The following BAZ2B variants were observed in gnomAD, a reference collection of about 807,000 sequenced individuals.
The protein encoded by BAZ2B is bromodomain adjacent to zinc finger domain protein 2B.
A neutral mutation model predicts 246.0 loss-of-function variants in BAZ2B; 91 were observed. That is an observed-to-expected ratio of 0.37 (90% CI 0.31 to 0.44). BAZ2B has a LOEUF of 0.44. BAZ2B is among the 20% of genes least tolerant of loss of function. The pLI is 1.00. For missense variants in BAZ2B, 2,332 were observed against 2,533.7 expected (o/e 0.92, Z 1.71); for synonymous variants, 855 against 860.0 (o/e 0.99, Z 0.10).
chr2:159,349,878 G>A lies in BAZ2B; in HGVS notation c.4693C>T (p.Arg1565Ter). 1.9e-6 allele frequency: 3 copies of A among 1,614,166 alleles called. No individual in the cohort carries two copies. The highest frequency in any genetic ancestry group is 2.5e-6 in the Non-Finnish European group (3 of 1,180,016). The change falls in exon 28 of 37, where the codon CGA becomes TGA. Residue 1565 changes from arginine (R) to a stop codon, truncating the protein, a stop_gained. Transcript: ENST00000392783. LOFTEE classifies it high-confidence loss of function. ...AGTGAAGTGTCATCACAGGGTGTTC[G>A]TGGCAAAAGACTAAACCATTGTCTA... The part of the protein sequence containing the change: ...KNRQWFSLLP[R>*]TPCDDTSLTH...
At chr2:159,636,804 G>C in the BAZ2B span, among the ~76,000 whole-genome samples, 8 of 152,216 alleles carry the variant, frequency 5.3e-5, no homozygotes, top group Middle Eastern at 3.4e-3. Flanking sequence ...TGCTTAAGGA[G>C]AGCTAAGAGT....
At chr2:159,596,408 A>G (rs1396001348) in intron 1 of BAZ2B, among the ~76,000 whole-genome samples, 1 of 152,254 alleles carries the variant, frequency 6.6e-6, no homozygotes, top group African/African-American at 2.4e-5. Context: ...AGTTTGTTCA[A>G]GAATATAAAA....
rs548904660 is a variant in BAZ2B, at chr2:159,525,510, T to C, written c.-3+30313A>G. 4.1e-4 allele frequency among the ~76,000 whole-genome samples: 62 copies of C among 152,278 alleles called. 1 individual carries two copies. Among genetic ancestry groups the C allele is most frequent in the Admixed American group, 7.2e-4 (11 of 15,288 alleles). On this transcript the variant is annotated intron_variant, in intron 2 of 36. Transcript: ENST00000392783. ...ACATTATTTAAAATATCATATATAA[T>C]TGCCTTCAGTTTATGTGTATAAGGT...
chr2:159,709,259 G>A, the BAZ2B span, among the ~76,000 whole-genome samples: 14 of 151,814 alleles, frequency 9.2e-5, no homozygotes, highest in African/African-American at 3.1e-4. Context: ...TCTCAATCAG[G>A]TAGACAGTAG....
At chr2:159,631,726 C>A in the BAZ2B span, among the ~76,000 whole-genome samples, 1 of 152,100 alleles carries the variant, frequency 6.6e-6, no homozygotes, top group Non-Finnish European at 1.5e-5. Flanking sequence ...CTAAAAAAAC[C>A]TTTTTGTTCA....
intron 25 of BAZ2B, among the ~76,000 whole-genome samples, chr2:159,378,550 A>T (rs535367911): frequency 6.6e-6 from 1 of 152,342 alleles, no homozygotes; most frequent in African/African-American, 2.4e-5. Context: ...TGCAAATCAT[A>T]TATTTGATAA....
intron 2 of BAZ2B, among the ~76,000 whole-genome samples, chr2:159,481,902 T>A (rs547800143): frequency 1.3e-5 from 2 of 152,098 alleles, no homozygotes; most frequent in East Asian, 3.9e-4. Flanking sequence ...CTAAGTTGGA[T>A]TTTAGAACAA....
At position 159,433,378 on chromosome 2, in the gene BAZ2B, G is replaced by A. The variant is rs1484456855; in HGVS notation, c.1294-15C>T. ...TTATATTGTTCCTGTTGAAACATAA[G>A]TTAAAAAACACAACAAAATGTACCA... On this transcript the variant is annotated splice_polypyrimidine_tract_variant and intron_variant, in intron 8 of 36. Coordinates refer to ENST00000392783, the MANE Select transcript of BAZ2B (RefSeq NM_013450.4). The A allele has an allele frequency of 1.9e-6, 3 of 1,580,996 alleles. No individual in the cohort carries two copies. The highest frequency in any genetic ancestry group is 1.9e-5 in the Admixed American group (1 of 53,044).
chr2:159,679,828 T>C, the BAZ2B span, among the ~76,000 whole-genome samples: 3 of 152,346 alleles, frequency 2.0e-5, no homozygotes, highest in South Asian at 6.2e-4. Context: ...CCATTACCTC[T>C]TTCTCTGCCC....
chr2:159,398,871 T>G lies in BAZ2B; in HGVS notation c.2922A>C (p.Glu974Asp). The stretch of plus-strand genomic sequence containing the variant: ...CCTCCAATAATTTGGCATTTGCCGC[T>G]TCTTCCTTCTTTTTCTTTTTAGCCT... The part of the protein sequence containing the change: ...ILEAKKKKKE[E>D]AANAKLLEAE... The change falls in exon 18 of 37, where the codon GAA becomes GAC. Residue 974 changes from glutamate (E) to aspartate (D), a missense_variant. By Grantham distance (45) the Glu-to-Asp change is conservative (BLOSUM62 2). Coordinates refer to ENST00000392783, the MANE Select transcript of BAZ2B (RefSeq NM_013450.4). 2 of 1,611,312 alleles carry G rather than the reference T, an allele frequency of 1.2e-6. No individual in the cohort carries two copies. Among genetic ancestry groups the G allele is most frequent in the East Asian group, 2.2e-5 (1 of 44,818 alleles).
intron 24 of BAZ2B, among the ~76,000 whole-genome samples, chr2:159,383,111 C>T (rs1221548285): frequency 6.6e-6 from 1 of 152,060 alleles, no homozygotes; most frequent in African/African-American, 2.4e-5. Flanking sequence ...TACTAACTGA[C>T]TGAATAAATT....
intron 2 of BAZ2B, among the ~76,000 whole-genome samples, chr2:159,487,944 C>T (rs2080021690): frequency 6.6e-6 from 1 of 151,978 alleles, no homozygotes; most frequent in South Asian, 2.1e-4. Context: ...TCCCTGGCCT[C>T]GCTAGAGATC....
Position 159,348,812 on chromosome 2 carries a change from C to G in BAZ2B, c.5159G>C (p.Arg1720Thr). The G allele has an allele frequency of 3.7e-6, 6 of 1,600,686 alleles. No individual in the cohort carries two copies. The highest frequency in any genetic ancestry group is 5.1e-6 in the Non-Finnish European group (6 of 1,176,888). Residue 1720 changes from arginine (R) to threonine (T), a missense_variant, in exon 30 of 37, where the codon AGA becomes ACA. Physicochemically the swap from Arg to Thr is moderately conservative, Grantham distance 71. Around this residue, in one of 9 missense-constraint regions of BAZ2B, gnomAD observed 676 missense variants for 668.6 expected, o/e 1.01. Transcript: ENST00000392783. ...IPEEMQFGWW[R>T]IIDPEDLKAL... The stretch of plus-strand genomic sequence containing the variant: ...TTTTAGGTCCTCTGGGTCAATAATT[C>G]TCCACCAACCAAACTGCATTTCTAA...
At chr2:159,502,258 T>A (rs1166903850) in intron 2 of BAZ2B, among the ~76,000 whole-genome samples, 1 of 151,886 alleles carries the variant, frequency 6.6e-6, no homozygotes, top group African/African-American at 2.4e-5. Context: ...ACTCTGTGAA[T>A]ACACTAAAAA....
intron 2 of BAZ2B, among the ~76,000 whole-genome samples, chr2:159,514,318 T>C (rs955095832): frequency 6.6e-6 from 1 of 152,200 alleles, no homozygotes; most frequent in Non-Finnish European, 1.5e-5. Flanking sequence ...ATCTCTCCTT[T>C]GCGTCACCTT....
intron 6 of BAZ2B, among the ~76,000 whole-genome samples, chr2:159,440,136 T>C (rs2073111555): frequency 6.6e-6 from 1 of 152,186 alleles, no homozygotes; most frequent in South Asian, 2.1e-4. Flanking sequence ...AAAATATTCA[T>C]AATTATTTAA....
At chr2:159,552,453 G>A (rs1396909397) in intron 2 of BAZ2B, among the ~76,000 whole-genome samples, 3 of 152,138 alleles carry the variant, frequency 2.0e-5, no homozygotes, top group Non-Finnish European at 4.4e-5. Flanking sequence ...CACGAAGAGG[G>A]AGGAAAGCTA....
Position 159,385,372 on chromosome 2 carries a change from A to G in BAZ2B, c.3472-3T>C, listed in dbSNP as rs1409288328. ...TGTTCTCCAAGAGCTGTTTTAGCCT[A>G]TAAAAGTTTGGCATTTTTATCAGTA... On this transcript the variant is annotated splice_polypyrimidine_tract_variant and splice_region_variant and intron_variant, in intron 22 of 36. Transcript: ENST00000392783. 1 of 1,610,478 alleles carries G rather than the reference A, an allele frequency of 6.2e-7. No homozygotes were observed. The highest frequency in any genetic ancestry group is 8.5e-7 in the Non-Finnish European group (1 of 1,178,500).
the BAZ2B span, among the ~76,000 whole-genome samples, chr2:159,674,544 A>ATC: frequency 4.0e-5 from 6 of 151,832 alleles, no homozygotes; most frequent in Non-Finnish European, 5.9e-5. Flanking sequence ...GTGAAACTGC[A>ATC]TCTCTACTAA....
Sources: allele counts gnomAD v4.1 joint callset (sites outside exome capture counted in the v4.1 genomes callset), GRCh38; gene constraint gnomAD v4.1.1; regional missense constraint gnomAD v4.1.1; transcripts MANE v1.5; gene names NCBI Gene and HGNC (gene_info 2026-07-23, HGNC 2026-07-21).